The following VRTN variants were observed in gnomAD, a reference collection of about 807,000 sequenced individuals.
VRTN encodes the protein vertnin.
A neutral mutation model predicts 18.2 loss-of-function variants in VRTN; 5 were observed. That is an observed-to-expected ratio of 0.27 (90% CI 0.14 to 0.58). The LOEUF is 0.58. VRTN is among the 20% of genes least tolerant of loss of function. The pLI, the probability that VRTN is intolerant of heterozygous loss-of-function variation, is 0.91. For missense variants in VRTN, 741 were observed against 939.4 expected, an observed-to-expected ratio of 0.79 and a Z score of 2.76; for synonymous variants, 381 against 393.7, an observed-to-expected ratio of 0.97 and a Z score of 0.38.
intron 1 of VRTN, chr14:74,305,518 T>C (rs2085341901): frequency 4.9e-6 from 1 of 204,100 alleles, no homozygotes; most frequent in South Asian, 1.0e-4. Context: ...AGCAGGTTGC[T>C]CCAGAAAGAC....
intron 2 of VRTN, among the ~76,000 whole-genome samples, chr14:74,342,533 A>G (rs765292908): frequency 7.9e-5 from 12 of 152,202 alleles, no homozygotes; most frequent in Non-Finnish European, 1.5e-4. Flanking sequence ...ACATATATAT[A>G]CACACATATA....
At chr14:74,356,273 T>A (rs529413756) in intron 1 of VRTN, among the ~76,000 whole-genome samples, 24 of 152,264 alleles carry the variant, frequency 1.6e-4, no homozygotes, top group Non-Finnish European at 3.2e-4. Context: ...AACCTCTGCC[T>A]CCTGGGTTTA....
intron 1 of VRTN, among the ~76,000 whole-genome samples, chr14:74,334,567 C>A (rs1027492943): frequency 3.9e-5 from 6 of 152,078 alleles, no homozygotes; most frequent in Non-Finnish European, 8.8e-5. Flanking sequence ...AGAAACATAG[C>A]TTTTTGTGAC....
chr14:74,357,885 G>T lies in VRTN; in HGVS notation c.1102G>T (p.Val368Leu). The change falls in exon 2 of 2, where the codon GTG (valine) becomes TTG (leucine). Residue 368 changes from valine to leucine, a missense_variant. Val to Leu is a conservative substitution (Grantham distance 32, BLOSUM62 1). Coordinates refer to ENST00000256362, the MANE Select transcript of VRTN (RefSeq NM_018228.3). The surrounding 1 kb of genome is among the most constrained non-coding windows in gnomAD (Gnocchi z 7.8). ...GTCPALPPREVLGMEELEKLP... is the reference protein window; with the variant it reads ...GTCPALPPRELLGMEELEKLP... ...CTGCCCGGCCTTGCCCCCCAGGGAG[G>T]TGCTGGGCATGGAGGAGCTAGAGAA... The T allele has an allele frequency of 6.2e-7, 1 of 1,614,082 alleles. No homozygotes were observed. Among genetic ancestry groups the T allele is most frequent in the Non-Finnish European group, 8.5e-7 (1 of 1,180,032 alleles).
At chr14:74,313,311 T>A (rs973270090) in intron 1 of VRTN, among the ~76,000 whole-genome samples, 3 of 152,052 alleles carry the variant, frequency 2.0e-5, no homozygotes, top group Non-Finnish European at 4.4e-5. Flanking sequence ...TTTCCCTGTA[T>A]ATAAAATTAG....
At chr14:74,329,222 CCA>C (rs2085506235) in intron 1 of VRTN, among the ~76,000 whole-genome samples, 1 of 151,608 alleles carries the variant, frequency 6.6e-6, no homozygotes, top group Admixed American at 6.6e-5. Context: ...TTGCAGTGAG[CCA>C]AGATCATGCC....
intron 1 of VRTN, among the ~76,000 whole-genome samples, chr14:74,352,667 C>G (rs2085694123): frequency 6.6e-6 from 1 of 152,166 alleles, no homozygotes; most frequent in African/African-American, 2.4e-5. Flanking sequence ...CCTGCCTCAG[C>G]CTCCCAAAGT....
intron 2 of VRTN, among the ~76,000 whole-genome samples, chr14:74,340,303 T>G (rs1018689831): frequency 6.6e-5 from 10 of 151,834 alleles, no homozygotes; most frequent in South Asian, 4.2e-4. Flanking sequence ...GTAGAGACGG[T>G]GTTTCTCCAT....
chr14:74,311,814 G>A (rs913874865), intron 1 of VRTN, among the ~76,000 whole-genome samples: 1 of 151,680 alleles, frequency 6.6e-6, no homozygotes, highest in Non-Finnish European at 1.5e-5. Context: ...TGTCACCCAG[G>A]CTGGAGCACA....
intron 1 of VRTN, among the ~76,000 whole-genome samples, chr14:74,308,718 G>A (rs552637871): frequency 1.3e-5 from 2 of 152,194 alleles, no homozygotes; most frequent in South Asian, 4.1e-4. Flanking sequence ...GTTTTGCCAT[G>A]TTGGCCAAGC....
At chr14:74,320,003 C>T (rs2085442793) in intron 1 of VRTN, among the ~76,000 whole-genome samples, 1 of 152,122 alleles carries the variant, frequency 6.6e-6, no homozygotes, top group Non-Finnish European at 1.5e-5. Flanking sequence ...AATCCCAGCA[C>T]TTTGGGAGGT....
At chr14:74,311,308 G>T (rs555673120) in intron 1 of VRTN, among the ~76,000 whole-genome samples, 1 of 152,092 alleles carries the variant, frequency 6.6e-6, no homozygotes, top group African/African-American at 2.4e-5. Context: ...AATCTTTCCC[G>T]AAATGTTTTA....
At chr14:74,331,729 C>T (rs1367859866) in intron 1 of VRTN, among the ~76,000 whole-genome samples, 1 of 130,650 alleles carries the variant, frequency 7.7e-6, no homozygotes, top group East Asian at 2.9e-4. Flanking sequence ...GCACACTTTA[C>T]GTTGTGTAAG....
chr14:74,344,244 T>TCCAA (rs760737512), upstream of VRTN, among the ~76,000 whole-genome samples: 1 of 2,476 alleles, frequency 4.0e-4, no homozygotes, highest in South Asian at 0.02. Flanking sequence ...CTCTGCTTTC[T>TCCAA]ACAAAAAAAA....
At chr14:74,345,346 A>ATT (rs34124259), upstream of VRTN, among the ~76,000 whole-genome samples, 823 of 94,400 alleles carry the variant, frequency 8.7e-3, 1 homozygote, top group Non-Finnish European at 0.011. Flanking sequence ...CACCCTGCCT[A>ATT]TTTTTTTTTT....
upstream of VRTN, among the ~76,000 whole-genome samples, chr14:74,345,734 G>T (rs1309834350): frequency 6.6e-6 from 1 of 150,422 alleles, no homozygotes; most frequent in Admixed American, 6.6e-5. Flanking sequence ...GACCACCCCG[G>T]CCAACATGGC....
chr14:74,355,697 G>C (rs2085721781), intron 1 of VRTN, among the ~76,000 whole-genome samples: 1 of 151,892 alleles, frequency 6.6e-6, no homozygotes, highest in Admixed American at 6.6e-5. Context: ...ACCATGCCTG[G>C]CTAACTTTTT....
chr14:74,358,168 C>T lies in VRTN; in HGVS notation c.1385C>T (p.Pro462Leu), dbSNP rs762353468. The change falls in exon 2 of 2, where the codon CCC (proline) becomes CTC (leucine). Residue 462 changes from proline (P) to leucine (L), a missense_variant. Around this residue, in one of 3 missense-constraint regions of VRTN, gnomAD observed 494 missense variants for 546.5 expected, o/e 0.90. Transcript: ENST00000256362. The surrounding 1 kb of genome is among the most constrained non-coding windows in gnomAD (Gnocchi z 5.4). ...CCAGCCCTCTCTGCTGCTGGGACTC[C>T]CCAGCTAGCATCTGTTGGGGAAGGG... ...PAPALSAAGT[P>L]QLASVGEGAV... is the part of the protein sequence containing the mutation. 1.2e-6 allele frequency: 2 copies of T among 1,614,042 alleles called. No homozygotes were observed. The highest frequency in any genetic ancestry group is 1.7e-6 in the Non-Finnish European group (2 of 1,180,034).
chr14:74,352,506 C>T (rs1041946449), intron 1 of VRTN, among the ~76,000 whole-genome samples: 3 of 152,062 alleles, frequency 2.0e-5, no homozygotes, highest in Non-Finnish European at 4.4e-5. Flanking sequence ...AACATTTTTA[C>T]TAAATTACAA....
Sources: allele counts gnomAD v4.1 joint callset (sites outside exome capture counted in the v4.1 genomes callset), GRCh38; gene constraint gnomAD v4.1.1; regional missense constraint gnomAD v4.1.1; non-coding constraint Gnocchi (gnomAD v3.1); transcripts MANE v1.5; gene names NCBI Gene and HGNC (gene_info 2026-07-23, HGNC 2026-07-21).